The following PCNX2 variants were observed in gnomAD, a reference collection of about 807,000 sequenced individuals.
PCNX2 encodes the protein pecanex 2.
A neutral mutation model predicts 223.8 loss-of-function variants in PCNX2; 168 were observed. The ratio of observed to expected loss-of-function variants is 0.75; its 90% CI spans 0.66 to 0.85. The LOEUF (loss-of-function observed/expected upper bound fraction) is 0.85. Ranked by LOEUF, PCNX2 falls within the 40% of genes least tolerant of loss-of-function variation. The pLI is 0.00. For synonymous variants in PCNX2, 1,006 were observed against 1,052.6 expected (o/e 0.96, Z 0.86); for missense variants, 2,507 against 2,675.5 (o/e 0.94, Z 1.39).
intron 15 of PCNX2, among the ~76,000 whole-genome samples, chr1:233,184,099 G>A (rs1217597253): frequency 6.6e-6 from 1 of 152,232 alleles, no homozygotes; most frequent in East Asian, 1.9e-4. Context: ...AACCAGTGCT[G>A]TGTATTTAAT....
Position 232,990,717 on chromosome 1 carries a change from C to T in PCNX2, c.5792-4177G>A, listed in dbSNP as rs1669666717. Among the ~76,000 whole-genome samples, 1 of 152,170 alleles carries T rather than the reference C, an allele frequency of 6.6e-6. No individual in the cohort carries two copies. Among genetic ancestry groups the T allele is most frequent in the Admixed American group, 6.5e-5 (1 of 15,284 alleles). On this transcript the variant is annotated intron_variant, in intron 32 of 33. Coordinates refer to ENST00000258229, the MANE Select transcript of PCNX2 (RefSeq NM_014801.4). This position sits in a 1 kb window ranked among gnomAD's most constrained non-coding sequence, Gnocchi z 4.3. ...GCAGCCGTCTCTGTCCCCACAGGGC[C>T]AGGAAGCTGTGGAGACAGGAGCACG...
rs765063804 is a variant in PCNX2 at position 233,057,269 on chromosome 1, G to A, written c.4098C>T (p.Ser1366=). The A allele has an allele frequency of 6.2e-7, 1 of 1,610,214 alleles. No homozygotes were observed. The highest frequency in any genetic ancestry group is 1.1e-5 in the South Asian group (1 of 90,464). Reference sequence around the variant, plus strand: ...CAATTTGGACTGCCAGTCTTGTGTTGGAATTATCCACTCGCCTTGTACTAG... The same window carrying A: ...CAATTTGGACTGCCAGTCTTGTGTTAGAATTATCCACTCGCCTTGTACTAG... ...KNYNTRRVDN[S]NTRLAVQIER... is the part of the protein sequence containing the mutation. The change falls in exon 24 of 34, where the codon TCC becomes TCT. Residue 1366 remains serine (S), a synonymous_variant. Transcript: ENST00000258229.
intron 8 of PCNX2, among the ~76,000 whole-genome samples, chr1:233,238,855 C>T (rs2102967076): frequency 6.6e-6 from 1 of 152,270 alleles, no homozygotes; most frequent in East Asian, 1.9e-4. Flanking sequence ...AGTTTGAAAA[C>T]TTAAAAATCC....
At chr1:233,239,759 A>G (rs891567166) in intron 8 of PCNX2, among the ~76,000 whole-genome samples, 2 of 152,218 alleles carry the variant, frequency 1.3e-5, no homozygotes, top group African/African-American at 4.8e-5. Flanking sequence ...TATAGGATTG[A>G]CTTTGCTTTT....
At chr1:233,291,480 T>C (rs1235395787) in intron 1 of PCNX2, among the ~76,000 whole-genome samples, 1 of 152,016 alleles carries the variant, frequency 6.6e-6, no homozygotes, top group African/African-American at 2.4e-5. Flanking sequence ...TGGTGGCGCA[T>C]GCCTGTACTC....
chr1:233,140,350 A>C (rs1677034581), intron 19 of PCNX2, among the ~76,000 whole-genome samples: 1 of 152,232 alleles, frequency 6.6e-6, no homozygotes, highest in Non-Finnish European at 1.5e-5. Flanking sequence ...CTGACTCCCA[A>C]ACCCCAGCCA....
At chr1:233,090,717 C>CA (rs1673828487) in intron 22 of PCNX2, among the ~76,000 whole-genome samples, 1 of 152,010 alleles carries the variant, frequency 6.6e-6, no homozygotes. Context: ...TGTTGAACAC[C>CA]ACTGGTTCAA....
chr1:233,095,924 A>G, intron 21 of PCNX2, 61 bp from the exon 22 acceptor site: 2 of 1,237,862 alleles, frequency 1.6e-6, no homozygotes, highest in Middle Eastern at 1.9e-4. Context: ...TAACTGCATC[A>G]AGGTCACTTA....
chr1:233,295,490 C>A lies in PCNX2; in HGVS notation c.-12G>T. The A allele has an allele frequency of 6.5e-7, 1 of 1,545,316 alleles. No individual in the cohort carries two copies. ...ACCTGGGACACCATGCCGGCTGCGCCCCGGGGCTGGTGAGCGCCCCGCTGC... is the reference window on the plus strand; with the variant it reads ...ACCTGGGACACCATGCCGGCTGCGCACCGGGGCTGGTGAGCGCCCCGCTGC... On this transcript the variant is annotated 5_prime_UTR_variant, in exon 1 of 34. Coordinates refer to ENST00000258229, the MANE Select transcript of PCNX2 (RefSeq NM_014801.4). This position sits in a 1 kb window ranked among gnomAD's most constrained non-coding sequence, Gnocchi z 4.1.
chr1:233,248,215 G>T (rs1659239491), intron 8 of PCNX2, among the ~76,000 whole-genome samples: 1 of 151,966 alleles, frequency 6.6e-6, no homozygotes, highest in Non-Finnish European at 1.5e-5. Flanking sequence ...GTCACCTGTT[G>T]ATTTTTGCTG....
chr1:232,998,386 C>T lies in PCNX2; in HGVS notation c.5656G>A (p.Val1886Met), dbSNP rs200130673. 2.1e-4 allele frequency: 343 copies of T among 1,613,168 alleles called. No individual in the cohort carries two copies. In the African/African-American group the frequency reaches 4.0e-3, roughly 19 times the overall value. ...GTCGTCGGGGCCCCTCCTCCGTCCA[C>T]GTCTTCAATGTTGCCGCCACTGTGC... ...RQHSGGNIED[V>M]DGGGAPTTGG... The change falls in exon 32 of 34, where the codon GTG (valine) becomes ATG (methionine). Residue 1886 changes from valine (V) to methionine (M), a missense_variant. By Grantham distance (21) the Val-to-Met change is conservative. This residue lies in a region of PCNX2 where 1,372 missense variants were observed against 1,509.4 expected (regional missense o/e 0.91). Coordinates refer to ENST00000258229, the MANE Select transcript of PCNX2 (RefSeq NM_014801.4).
intron 21 of PCNX2, among the ~76,000 whole-genome samples, chr1:233,097,391 G>C (rs1355891463): frequency 2.0e-5 from 3 of 151,942 alleles, no homozygotes; most frequent in Non-Finnish European, 2.9e-5. Flanking sequence ...TAGATGATGT[G>C]ATCAGGCTTG....
rs747099647 is a variant in PCNX2 at position 233,198,959 on chromosome 1, C to G, written c.3046G>C (p.Val1016Leu). The G allele has an allele frequency of 1.9e-6, 3 of 1,606,032 alleles. No homozygotes were observed. The highest frequency in any genetic ancestry group is 1.1e-5 in the South Asian group (1 of 89,058). ...SVLAAALLHA[V>L]CFSAVKEPWS... is the part of the protein sequence containing the mutation. The stretch of plus-strand genomic sequence containing the variant: ...CCTACCTTCACTGCACTGAAGCAGA[C>G]TGCGTGGAGCAGGGCGGCAGCCAAG... Residue 1016 changes from valine (V) to leucine (L), a missense_variant, in exon 15 of 34, where the codon GTC becomes CTC. Transcript: ENST00000258229.
At chr1:233,247,577 G>A (rs939568980) in intron 8 of PCNX2, among the ~76,000 whole-genome samples, 8 of 152,036 alleles carry the variant, frequency 5.3e-5, no homozygotes, top group Non-Finnish European at 1.0e-4. Context: ...TCCCACCTCA[G>A]CCTTCAAAAG....
intron 21 of PCNX2, among the ~76,000 whole-genome samples, chr1:233,133,921 G>C (rs78864912): frequency 0.02 from 3,005 of 152,114 alleles, 36 homozygotes; most frequent in East Asian, 0.051. Flanking sequence ...GGGGTGGTGG[G>C]AATTACTTAT....
At chr1:233,137,853 T>C (rs1243074974) in intron 20 of PCNX2, among the ~76,000 whole-genome samples, 1 of 152,186 alleles carries the variant, frequency 6.6e-6, no homozygotes, top group African/African-American at 2.4e-5. Context: ...TGTTCATGCA[T>C]TCATCCTTCT....
intron 25 of PCNX2, among the ~76,000 whole-genome samples, chr1:233,032,291 A>G (rs6424266): frequency 0.47 from 70,832 of 151,872 alleles, 19,565 homozygotes; most frequent in African/African-American, 0.77. Context: ...TAGTAGAGAC[A>G]GGGGTTTCTC....
chr1:233,117,497 A>T (rs1675480616), intron 21 of PCNX2, among the ~76,000 whole-genome samples: 1 of 149,920 alleles, frequency 6.7e-6, no homozygotes, highest in Non-Finnish European at 1.5e-5. Context: ...CGTATTCGGG[A>T]GGCTGAGGCA....
chr1:233,102,928 T>C (rs1052543561), intron 21 of PCNX2, among the ~76,000 whole-genome samples: 2 of 152,104 alleles, frequency 1.3e-5, no homozygotes, highest in Admixed American at 1.3e-4. Flanking sequence ...CCTTACTCAA[T>C]AAATCTTTGC....
Sources: gnomAD v4.1 joint callset for allele counts (sites outside exome capture counted in the v4.1 genomes callset) on GRCh38, gnomAD v4.1.1 for gene constraint, gnomAD v4.1.1 regional missense constraint, Gnocchi (gnomAD v3.1) non-coding constraint, MANE v1.5 for transcripts, NCBI Gene and HGNC (gene_info 2026-07-23, HGNC 2026-07-21) for gene names.